The following DNER variants were observed in gnomAD, a reference collection of about 807,000 sequenced individuals.
DNER encodes the protein delta and Notch-like epidermal growth factor-related receptor.
Under a neutral mutation model 78.2 loss-of-function variants are expected in DNER, and 33 were observed. That is an observed-to-expected ratio of 0.42 (90% CI 0.32 to 0.56). DNER has a LOEUF of 0.56. DNER is among the 20% of genes least tolerant of loss of function. The pLI, the probability that DNER is intolerant of heterozygous loss-of-function variation, is 0.11. For missense variants in DNER, 918 were observed against 975.3 expected, an observed-to-expected ratio of 0.94 and a Z score of 0.78; for synonymous variants, 417 against 384.8, an observed-to-expected ratio of 1.08 and a Z score of -0.98.
rs186203711 is a variant in DNER, at chr2:229,514,566, C to T, written c.994-1630G>A. ...AATTCAATATCCAGATTTCCTAGTA[C>T]TGATTCAACCTTATGCTCCTGGAAG... is the stretch of plus-strand genomic sequence containing the variant. On this transcript the variant is annotated intron_variant, in intron 5 of 12. Transcript: ENST00000341772. 3.5e-3 allele frequency among the ~76,000 whole-genome samples: 529 copies of T among 152,314 alleles called. 4 individuals carry two copies. Among genetic ancestry groups the T allele is most frequent in the South Asian group, 7.0e-3 (34 of 4,832 alleles).
chr2:229,477,048 A>C, intron 7 of DNER, 92 bp downstream of exon 7: 1 of 970,902 alleles, frequency 1.0e-6, no homozygotes, highest in Non-Finnish European at 1.5e-6. Flanking sequence ...TCTCTTGTGT[A>C]GAGTTTTGCA....
chr2:229,681,879 A>T (rs144811139), intron 1 of DNER, among the ~76,000 whole-genome samples: 103 of 149,470 alleles, frequency 6.9e-4, no homozygotes, highest in Admixed American at 6.0e-3. Flanking sequence ...TGTATCGTAT[A>T]ACATGTTTAT....
chr2:229,424,018 A>G (rs964445333), intron 8 of DNER, among the ~76,000 whole-genome samples: 6 of 152,230 alleles, frequency 3.9e-5, no homozygotes, highest in Non-Finnish European at 8.8e-5. Context: ...TACCTGTGGT[A>G]TCTGTGTCGG....
chr2:229,622,921 A>G (rs1698274749), intron 1 of DNER, among the ~76,000 whole-genome samples: 1 of 152,176 alleles, frequency 6.6e-6, no homozygotes, highest in African/African-American at 2.4e-5. Flanking sequence ...ACTGTGAGAG[A>G]ATAAATTACT....
At chr2:229,508,311 T>C (rs1406302355) in intron 6 of DNER, among the ~76,000 whole-genome samples, 1 of 152,200 alleles carries the variant, frequency 6.6e-6, no homozygotes, top group Non-Finnish European at 1.5e-5. Flanking sequence ...ACAATTTTAC[T>C]TCTAGGTATA....
chr2:229,628,651 G>T (rs965141874), intron 1 of DNER, among the ~76,000 whole-genome samples: 1 of 152,156 alleles, frequency 6.6e-6, no homozygotes, highest in African/African-American at 2.4e-5. Flanking sequence ...GATGATCCTA[G>T]GGCCAGTGCA....
intron 5 of DNER, among the ~76,000 whole-genome samples, chr2:229,517,431 G>C (rs1197654060): frequency 1.3e-5 from 2 of 152,228 alleles, no homozygotes; most frequent in African/African-American, 4.8e-5. Context: ...TTTAAAACCG[G>C]ATGTACTGAG....
intron 1 of DNER, among the ~76,000 whole-genome samples, chr2:229,658,181 T>G (rs1368382393): frequency 3.9e-5 from 6 of 152,210 alleles, no homozygotes; most frequent in Non-Finnish European, 7.3e-5. Flanking sequence ...GCATGCACAC[T>G]GAAGATATGG....
At chr2:229,607,005 G>A (rs1697953848) in intron 1 of DNER, among the ~76,000 whole-genome samples, 1 of 152,144 alleles carries the variant, frequency 6.6e-6, no homozygotes, top group African/African-American at 2.4e-5. Context: ...GCACATGCCT[G>A]TGTACACACA....
chr2:229,694,764 C>T (rs1214117080), intron 1 of DNER, among the ~76,000 whole-genome samples: 1 of 152,188 alleles, frequency 6.6e-6, no homozygotes, highest in Admixed American at 6.5e-5. Flanking sequence ...ATTTTACAGG[C>T]TCATAGGCAG....
intron 1 of DNER, among the ~76,000 whole-genome samples, chr2:229,696,471 G>A (rs1699664295): frequency 6.6e-6 from 1 of 152,116 alleles, no homozygotes; most frequent in Non-Finnish European, 1.5e-5. Context: ...TCAACTTTCT[G>A]GCCTCAGTTT....
intron 6 of DNER, among the ~76,000 whole-genome samples, chr2:229,500,369 A>C (rs1250769351): frequency 6.6e-6 from 1 of 152,242 alleles, no homozygotes. Context: ...AATAGCTATT[A>C]TCAAAAAGAC....
At chr2:229,618,318 G>A (rs1230392386) in intron 1 of DNER, among the ~76,000 whole-genome samples, 1 of 152,334 alleles carries the variant, frequency 6.6e-6, no homozygotes, top group East Asian at 1.9e-4. Flanking sequence ...GAAAGGGGAT[G>A]ACAACAGGCC....
chr2:229,695,750 C>A (rs966608308), intron 1 of DNER, among the ~76,000 whole-genome samples: 1 of 152,104 alleles, frequency 6.6e-6, no homozygotes, highest in African/African-American at 2.4e-5. Context: ...AAGCCGAACT[C>A]GTTAGTGTCA....
intron 4 of DNER, among the ~76,000 whole-genome samples, chr2:229,567,259 C>T (rs1025425114): frequency 6.6e-6 from 1 of 152,182 alleles, no homozygotes; most frequent in African/African-American, 2.4e-5. Context: ...TTGTAATTTT[C>T]TATTTATTCT....
chr2:229,624,766 C>A (rs1300750484), intron 1 of DNER, among the ~76,000 whole-genome samples: 1 of 152,194 alleles, frequency 6.6e-6, no homozygotes, highest in African/African-American at 2.4e-5. Flanking sequence ...ACCCTCACTC[C>A]CAGGCAGTCT....
chr2:229,390,315 G>A (rs57386392), intron 10 of DNER, among the ~76,000 whole-genome samples: 4,481 of 152,304 alleles, frequency 0.029, 97 homozygotes, highest in African/African-American at 0.06. Flanking sequence ...TCTGCTTCAC[G>A]AAGTCCAATG....
intron 8 of DNER, among the ~76,000 whole-genome samples, chr2:229,441,245 T>C (rs1694228499): frequency 6.6e-6 from 1 of 151,672 alleles, no homozygotes; most frequent in South Asian, 2.1e-4. Context: ...AATTCTGAAC[T>C]ATTGTTCAGA....
intron 7 of DNER, among the ~76,000 whole-genome samples, chr2:229,461,426 C>G (rs1410933080): frequency 6.6e-6 from 1 of 151,638 alleles, no homozygotes; most frequent in Non-Finnish European, 1.5e-5. Context: ...TTAAAATTCC[C>G]CTTATAGAAT....
Sources: gnomAD v4.1 joint callset for allele counts (sites outside exome capture counted in the v4.1 genomes callset) on GRCh38, gnomAD v4.1.1 for gene constraint, MANE v1.5 for transcripts, NCBI Gene and HGNC (gene_info 2026-07-23, HGNC 2026-07-21) for gene names.